The following GNB1 variants were observed in gnomAD, a reference collection of about 807,000 sequenced individuals.
GNB1 encodes G protein subunit beta 1.
Under a neutral mutation model 42.9 loss-of-function variants are expected in GNB1, and 2 were observed. The ratio of observed to expected loss-of-function variants is 0.05; its 90% CI spans 0.02 to 0.15. The LOEUF is 0.15. GNB1 is among the 10% of genes least tolerant of loss of function. The pLI, the probability that GNB1 is intolerant of heterozygous loss-of-function variation, is 1.00. For synonymous variants in GNB1, 183 were observed against 174.7 expected, an observed-to-expected ratio of 1.05 and a Z score of -0.38; for missense variants, 193 against 462.2, an observed-to-expected ratio of 0.42 and a Z score of 5.34.
chr1:1,858,451 T>C (rs998647551), intron 1 of GNB1, among the ~76,000 whole-genome samples: 3 of 152,190 alleles, frequency 2.0e-5, no homozygotes, highest in African/African-American at 7.2e-5. Context: ...TTCCTGGGCA[T>C]CCTATGGCCT....
intron 1 of GNB1, among the ~76,000 whole-genome samples, chr1:1,885,791 C>G (rs1455012364): frequency 6.6e-6 from 1 of 150,434 alleles, no homozygotes; most frequent in Non-Finnish European, 1.5e-5. Flanking sequence ...ATCTCCTGAC[C>G]TCGTGATCCG....
intron 5 of GNB1, among the ~76,000 whole-genome samples, chr1:1,814,556 T>C (rs2100838752): frequency 6.6e-6 from 1 of 152,114 alleles, no homozygotes; most frequent in African/African-American, 2.4e-5. Context: ...CTCAGCACTT[T>C]GGGAGGCTGA....
At chr1:1,842,456 C>T (rs1199053845) in intron 1 of GNB1, among the ~76,000 whole-genome samples, 2 of 151,316 alleles carry the variant, frequency 1.3e-5, no homozygotes, top group African/African-American at 4.9e-5. Flanking sequence ...AAAAAGAAGT[C>T]CTGGTCCTGT....
rs554717267 is a variant in GNB1 at position 1,813,156 on chromosome 1, C to CTT, written c.203+2598_203+2599dup. Among the ~76,000 whole-genome samples the CTT allele has an allele frequency of 7.6e-5, 11 of 145,610 alleles. No homozygotes were observed. The South Asian group carries it at 1.1e-3, about 15-fold the overall frequency. On this transcript the variant is annotated intron_variant, in intron 5 of 11. Transcript: ENST00000378609. ...AGATAGACTAGTAACAACATTTTTT[C>CTT]TTTTTTTTTTTTGAGTCAGTGTCAC... is the stretch of plus-strand genomic sequence containing the variant.
chr1:1,859,774 C>G (rs116116333), intron 1 of GNB1, among the ~76,000 whole-genome samples: 1 of 151,412 alleles, frequency 6.6e-6, no homozygotes, highest in Admixed American at 6.6e-5. Flanking sequence ...TTTGGGAGGC[C>G]GAGAGGCGGG....
At chr1:1,884,003 T>C (rs893459173) in intron 1 of GNB1, among the ~76,000 whole-genome samples, 5 of 151,880 alleles carry the variant, frequency 3.3e-5, no homozygotes, top group Non-Finnish European at 5.9e-5. Flanking sequence ...TTCACTCTTG[T>C]TGCCCAGGCT....
intron 1 of GNB1, among the ~76,000 whole-genome samples, chr1:1,857,553 G>A (rs1417129688): frequency 6.6e-6 from 1 of 152,114 alleles, no homozygotes; most frequent in African/African-American, 2.4e-5. Flanking sequence ...CAAGTCCTGT[G>A]GGCAGCTGCC....
At chr1:1,835,552 A>C (rs1172119495) in intron 2 of GNB1, among the ~76,000 whole-genome samples, 1 of 152,200 alleles carries the variant, frequency 6.6e-6, no homozygotes, top group Non-Finnish European at 1.5e-5. Flanking sequence ...CACCTGCCAC[A>C]CTTTCCATCC....
At position 1,825,386 on chromosome 1, in the gene GNB1, C is replaced by T; in HGVS notation, c.57+11G>A. 1 of 1,597,760 alleles carries T rather than the reference C, an allele frequency of 6.3e-7. No homozygotes were observed. On this transcript the variant is annotated intron_variant, in intron 3 of 11. Coordinates refer to ENST00000378609, the MANE Select transcript of GNB1 (RefSeq NM_002074.5). ...AATGATTAATAAAACCAAGCACACA[C>T]AACTACATACTCGAATCTGGTTCTT... is the stretch of plus-strand genomic sequence containing the variant.
chr1:1,815,714 C>T lies in GNB1; in HGVS notation c.203+42G>A, dbSNP rs200125569. Reference sequence around the variant, plus strand: ...TTTCCCCTAGGACAACAGAGCAGCCCCTGAATGTAACAAGCAGCATCCTGC... The same window carrying T: ...TTTCCCCTAGGACAACAGAGCAGCCTCTGAATGTAACAAGCAGCATCCTGC... On this transcript the variant is annotated intron_variant, in intron 5 of 11. Transcript: ENST00000378609. The T allele has an allele frequency of 1.1e-3, 1,111 of 1,037,478 alleles. 3 individuals are homozygous for T. Among genetic ancestry groups the T allele is most frequent in the Non-Finnish European group, 1.6e-3 (1,030 of 657,366 alleles). 64.3% of individuals were successfully genotyped at this position (1,037,478 alleles called of 1,614,324 possible).
rs989004808 is a variant in GNB1 at position 1,787,008 on chromosome 1, C to T, written c.*55G>A. ...TGGATAGGATATGCTCTCATGGTAA[C>T]GCGTCCAAGTTGGAATGGTCTTCCA... On this transcript the variant is annotated 3_prime_UTR_variant, in exon 12 of 12. Coordinates refer to ENST00000378609, the MANE Select transcript of GNB1 (RefSeq NM_002074.5). This position sits in a 1 kb window ranked among gnomAD's most constrained non-coding sequence, Gnocchi z 4.4. 9.4e-6 allele frequency: 2 copies of T among 213,612 alleles called. No homozygotes were observed. The highest frequency in any genetic ancestry group is 1.9e-5 in the Non-Finnish European group (2 of 106,034). 13.2% of individuals were successfully genotyped at this position (213,612 alleles called of 1,614,324 possible).
intron 7 of GNB1, among the ~76,000 whole-genome samples, chr1:1,800,943 G>A (rs1570634809): frequency 6.6e-6 from 1 of 152,226 alleles, no homozygotes; most frequent in African/African-American, 2.4e-5. Flanking sequence ...GCTCCCGGCC[G>A]AAAGGACGCC....
intron 1 of GNB1, among the ~76,000 whole-genome samples, chr1:1,886,309 C>T (rs1037877534): frequency 3.9e-5 from 6 of 152,050 alleles, no homozygotes; most frequent in African/African-American, 1.4e-4. Flanking sequence ...CTGAGTGGGA[C>T]TCTGTCTCAC....
intron 1 of GNB1, among the ~76,000 whole-genome samples, chr1:1,881,392 C>T (rs1020148247): frequency 2.6e-5 from 4 of 151,586 alleles, no homozygotes; most frequent in African/African-American, 9.7e-5. Context: ...TCTTTCAGGG[C>T]TTCCTGGAGC....
intron 2 of GNB1, among the ~76,000 whole-genome samples, chr1:1,838,075 C>T (rs965394360): frequency 2.0e-5 from 3 of 151,840 alleles, no homozygotes; most frequent in Non-Finnish European, 2.9e-5. Context: ...TGGTGGTGAG[C>T]GCCTGTAATC....
At chr1:1,888,658 T>G (rs1456692054) in intron 1 of GNB1, among the ~76,000 whole-genome samples, 2 of 152,144 alleles carry the variant, frequency 1.3e-5, no homozygotes, top group Admixed American at 1.3e-4. Flanking sequence ...GCCAACATGG[T>G]GAAACCCTAT....
chr1:1,837,902 TAAG>T (rs1357157562), intron 2 of GNB1, among the ~76,000 whole-genome samples: 1 of 151,702 alleles, frequency 6.6e-6, no homozygotes, highest in Non-Finnish European at 1.5e-5. Context: ...TCCTTTTGCG[TAAG>T]AATATCCAAT....
intron 1 of GNB1, among the ~76,000 whole-genome samples, chr1:1,879,307 T>C (rs1197971913): frequency 6.6e-6 from 1 of 152,230 alleles, no homozygotes; most frequent in Non-Finnish European, 1.5e-5. Context: ...GTTTGATCTA[T>C]CAATATTTAC....
intron 2 of GNB1, among the ~76,000 whole-genome samples, chr1:1,828,058 C>T (rs970491741): frequency 2.0e-5 from 3 of 152,100 alleles, no homozygotes; most frequent in Non-Finnish European, 2.9e-5. Flanking sequence ...CGGTGGCTGA[C>T]GCCTGTAATC....
Sources: gnomAD v4.1 joint callset for allele counts (sites outside exome capture counted in the v4.1 genomes callset) on GRCh38, gnomAD v4.1.1 for gene constraint, Gnocchi (gnomAD v3.1) non-coding constraint, MANE v1.5 for transcripts, NCBI Gene and HGNC (gene_info 2026-07-23, HGNC 2026-07-21) for gene names.